MEF2C: variants seen among roughly 807,000 people sequenced by gnomAD.
MEF2C encodes myocyte-specific enhancer factor 2C.
A neutral mutation model predicts 50.5 loss-of-function variants in MEF2C; 6 were observed. The observed-to-expected ratio is 0.12, with a 90% CI of 0.07 to 0.23. The LOEUF (loss-of-function observed/expected upper bound fraction) is 0.23. Ranked by LOEUF, MEF2C falls within the 10% of genes least tolerant of loss-of-function variation. MEF2C has a pLI of 1.00. For missense variants in MEF2C, 276 were observed against 605.0 expected (o/e 0.46, Z 5.70); for synonymous variants, 183 against 228.0 (o/e 0.80, Z 1.78).
chr5:88,848,716 A>G (rs1820198526), intron 1 of MEF2C, among the ~76,000 whole-genome samples: 1 of 152,212 alleles, frequency 6.6e-6, no homozygotes, highest in Admixed American at 6.5e-5. Context: ...TGCCTATGTC[A>G]TTCTTCTCTG....
intron 2 of MEF2C, among the ~76,000 whole-genome samples, chr5:88,812,607 T>G (rs1322838725): frequency 6.9e-6 from 1 of 143,902 alleles, no homozygotes; most frequent in African/African-American, 2.6e-5. Context: ...TTTGATAATT[T>G]TTTCTAAGAA....
chr5:88,870,101 A>G (rs1228090478), intron 1 of MEF2C, among the ~76,000 whole-genome samples: 1 of 151,988 alleles, frequency 6.6e-6, no homozygotes, highest in African/African-American at 2.4e-5. Context: ...ATTATGCAGT[A>G]AATTTCATAA....
At chr5:88,796,324 A>G (rs926174189) in intron 3 of MEF2C, among the ~76,000 whole-genome samples, 2 of 151,982 alleles carry the variant, frequency 1.3e-5, no homozygotes, top group Admixed American at 6.6e-5. Context: ...AGCACTTGTT[A>G]TTGGTCTATT....
intron 3 of MEF2C, chr5:88,785,323 T>A (rs1355902563): frequency 6.8e-6 from 1 of 147,538 alleles, no homozygotes; most frequent in Non-Finnish European, 1.5e-5. Context: ...CACACACGTA[T>A]TTTTTTATGA....
At chr5:88,847,823 T>C (rs1458221463) in intron 1 of MEF2C, among the ~76,000 whole-genome samples, 1 of 152,176 alleles carries the variant, frequency 6.6e-6, no homozygotes, top group East Asian at 1.9e-4. Flanking sequence ...ATACCTTTCA[T>C]ATGAGACCAC....
intron 3 of MEF2C, among the ~76,000 whole-genome samples, chr5:88,776,426 T>C (rs1428593491): frequency 6.6e-6 from 1 of 152,210 alleles, no homozygotes; most frequent in Non-Finnish European, 1.5e-5. Context: ...TGCTGTGCAG[T>C]AGCTCTCAAA....
chr5:88,760,428 A>G (rs950179142), intron 4 of MEF2C, among the ~76,000 whole-genome samples: 2 of 152,218 alleles, frequency 1.3e-5, no homozygotes, highest in African/African-American at 4.8e-5. Context: ...AAATCTTACC[A>G]TTAGGTTTCA....
At chr5:88,761,473 T>C in intron 3 of MEF2C, 145 bp from the exon 4 acceptor site, 1 of 999,604 alleles carries the variant, frequency 1.0e-6, no homozygotes, top group Non-Finnish European at 1.4e-6. Context: ...AGATGAAAGC[T>C]GAGTCATTTC....
intron 3 of MEF2C, among the ~76,000 whole-genome samples, chr5:88,802,384 T>G (rs768823399): frequency 2.0e-5 from 3 of 152,228 alleles, no homozygotes; most frequent in Non-Finnish European, 4.4e-5. Context: ...GAAGTCTGAC[T>G]TTCAAATATC....
At chr5:88,751,592 T>TG (rs1772768500) in intron 5 of MEF2C, 2 of 925,038 alleles carry the variant, frequency 2.2e-6, no homozygotes, top group Non-Finnish European at 2.6e-6. Flanking sequence ...ACATCCTGTT[T>TG]GAGAGTATGT....
intron 3 of MEF2C, among the ~76,000 whole-genome samples, chr5:88,799,516 A>G (rs1024123259): frequency 4.6e-5 from 7 of 152,212 alleles, no homozygotes; most frequent in Admixed American, 2.6e-4. Flanking sequence ...AAGAAGTCCA[A>G]TTTCGCTATT....
intron 1 of MEF2C, among the ~76,000 whole-genome samples, chr5:88,849,254 AT>A (rs1820433016): frequency 6.6e-6 from 1 of 152,090 alleles, no homozygotes; most frequent in African/African-American, 2.4e-5. Context: ...AATAAAAAGC[AT>A]TCATAAATCC....
chr5:88,749,235 A>C (rs900172868), intron 5 of MEF2C, 118 bp from the exon 6 acceptor site: 1 of 1,289,774 alleles, frequency 7.8e-7, no homozygotes, highest in Non-Finnish European at 1.0e-6. Context: ...CTTGTAAAGT[A>C]CAACCCAAGT....
intron 1 of MEF2C, chr5:88,839,351 C>CTCTCTCTCTATCTA (rs10694803): frequency 3.8e-4 from 55 of 146,396 alleles, no homozygotes; most frequent in African/African-American, 1.3e-3. Context: ...CTCTCTCTCT[C>CTCTCTCTCTATCTA]TCTATCTATC....
chr5:88,753,979 A>T (rs908941774), intron 4 of MEF2C, among the ~76,000 whole-genome samples: 1 of 152,368 alleles, frequency 6.6e-6, no homozygotes, highest in African/African-American at 2.4e-5. Context: ...TTGCTCTAGC[A>T]TACCCAAGAA....
chr5:88,857,002 C>T (rs551849600), intron 1 of MEF2C, among the ~76,000 whole-genome samples: 253 of 152,322 alleles, frequency 1.7e-3, no homozygotes, highest in Middle Eastern at 0.01. Flanking sequence ...GCACCATGCA[C>T]CTGGAAAAGC....
chr5:88,766,956 T>G (rs1221256308), intron 3 of MEF2C: 2 of 282,292 alleles, frequency 7.1e-6, no homozygotes, highest in Admixed American at 1.3e-4. Context: ...TGAATAATCT[T>G]TAGAAAGTAG....
At chr5:88,863,003 G>A (rs939914123) in intron 1 of MEF2C, among the ~76,000 whole-genome samples, 4 of 152,106 alleles carry the variant, frequency 2.6e-5, no homozygotes, top group African/African-American at 7.2e-5. Context: ...CAGGCCATAC[G>A]AAAAACATAT....
intron 4 of MEF2C, 26 bp from the exon 5 acceptor site, chr5:88,752,069 G>A: frequency 3.8e-6 from 6 of 1,559,170 alleles, no homozygotes; most frequent in South Asian, 2.4e-5. Flanking sequence ...ACAAAACAAA[G>A]GTAAAAGAAA....
Sources: allele counts gnomAD v4.1 joint callset (sites outside exome capture counted in the v4.1 genomes callset), GRCh38; gene constraint gnomAD v4.1.1; transcripts MANE v1.5; gene names NCBI Gene and HGNC (gene_info 2026-07-23, HGNC 2026-07-21).